The following ARFGEF2 variants were observed in gnomAD, a reference collection of about 807,000 sequenced individuals.
The protein encoded by ARFGEF2 is brefeldin A-inhibited guanine nucleotide-exchange protein 2.
ARFGEF2 carries 74 observed loss-of-function variants against 219.9 expected under a neutral mutation model. The ratio of observed to expected loss-of-function variants is 0.34; its 90% CI spans 0.28 to 0.41. The LOEUF is 0.41. Among genes scored for constraint, ARFGEF2 ranks in the 10% least tolerant of loss-of-function variants. ARFGEF2 has a pLI of 1.00. For synonymous variants in ARFGEF2, 733 were observed against 799.2 expected (o/e 0.92, Z 1.40); for missense variants, 1,743 against 2,218.3 (o/e 0.79, Z 4.30).
At chr20:49,020,014 GTTTCATGTAA>G (rs2123546649) in intron 34 of ARFGEF2, among the ~76,000 whole-genome samples, 1 of 152,300 alleles carries the variant, frequency 6.6e-6, no homozygotes, top group South Asian at 2.1e-4. Flanking sequence ...CATGTGTATT[GTTTCATGTAA>G]TCCTCATAGT....
At chr20:48,979,211 T>C (rs2091280454) in intron 14 of ARFGEF2, among the ~76,000 whole-genome samples, 1 of 152,210 alleles carries the variant, frequency 6.6e-6, no homozygotes, top group Non-Finnish European at 1.5e-5. Context: ...TTGAAGGCCT[T>C]TTTTGCATCT....
At chr20:48,987,275 A>AAT (rs2091331936) in intron 16 of ARFGEF2, among the ~76,000 whole-genome samples, 1 of 152,212 alleles carries the variant, frequency 6.6e-6, no homozygotes, top group Non-Finnish European at 1.5e-5. Flanking sequence ...TCTCATATTA[A>AAT]AAGACCTTTG....
At chr20:49,007,100 A>G (rs2091465821) in intron 26 of ARFGEF2, among the ~76,000 whole-genome samples, 1 of 152,152 alleles carries the variant, frequency 6.6e-6, no homozygotes, top group Non-Finnish European at 1.5e-5. Flanking sequence ...GTAGTTGTCC[A>G]GGTTTGGACC....
chr20:48,971,687 G>C (rs943712750), intron 10 of ARFGEF2, among the ~76,000 whole-genome samples: 2 of 152,120 alleles, frequency 1.3e-5, no homozygotes, highest in East Asian at 1.9e-4. Context: ...GGATCATGAG[G>C]TCAGGAGATC....
At chr20:48,931,060 CAT>C (rs1375618382) in intron 1 of ARFGEF2, among the ~76,000 whole-genome samples, 3 of 152,146 alleles carry the variant, frequency 2.0e-5, no homozygotes, top group South Asian at 4.2e-4. Context: ...GATTTAGAGA[CAT>C]GTGGGTCATT....
chr20:49,010,019 G>T (rs1187287640), intron 26 of ARFGEF2, among the ~76,000 whole-genome samples: 2 of 152,190 alleles, frequency 1.3e-5, no homozygotes, highest in Non-Finnish European at 2.9e-5. Flanking sequence ...TCAACCTTGA[G>T]TTTATTGTTT....
At chr20:48,941,742 G>A in intron 2 of ARFGEF2, 122 bp from the exon 3 acceptor site, 2 of 1,451,902 alleles carry the variant, frequency 1.4e-6, no homozygotes, top group East Asian at 2.3e-5. Flanking sequence ...AACTTTTAAT[G>A]CCTAGCCCCA....
intron 23 of ARFGEF2, among the ~76,000 whole-genome samples, chr20:48,996,708 C>A (rs1046060005): frequency 6.7e-6 from 1 of 148,220 alleles, no homozygotes; most frequent in African/African-American, 2.5e-5. Context: ...CGCGCCATTG[C>A]ACTCCAGCCT....
At chr20:49,001,114 G>A (rs2091422561) in intron 25 of ARFGEF2, among the ~76,000 whole-genome samples, 1 of 139,988 alleles carries the variant, frequency 7.1e-6, no homozygotes, top group Non-Finnish European at 1.5e-5. Flanking sequence ...AGGCTGGACG[G>A]CAGTAGCTTG....
chr20:48,977,073 AC>A (rs1255994624), intron 14 of ARFGEF2, among the ~76,000 whole-genome samples: 5 of 151,802 alleles, frequency 3.3e-5, no homozygotes, highest in Admixed American at 3.3e-4. Flanking sequence ...GGTTTGCTGC[AC>A]CCATTAACTC....
At chr20:49,013,782 T>C in intron 29 of ARFGEF2, 49 bp from the exon 30 acceptor site, 1 of 1,614,066 alleles carries the variant, frequency 6.2e-7, no homozygotes, top group Non-Finnish European at 8.5e-7. Context: ...TTCTCTGTTG[T>C]TCTCTTCTCC....
At chr20:48,988,455 G>A (rs2091338851) in intron 17 of ARFGEF2, 36 bp from the exon 18 acceptor site, 1 of 1,610,566 alleles carries the variant, frequency 6.2e-7, no homozygotes. Flanking sequence ...GCAATTGGAT[G>A]TTTTTTAAAT....
Position 48,951,484 on chromosome 20 carries a change from T to G in ARFGEF2, c.423+15T>G. 1 of 1,614,090 alleles carries G rather than the reference T, an allele frequency of 6.2e-7. No homozygotes were observed. The highest frequency in any genetic ancestry group is 8.5e-7 in the Non-Finnish European group (1 of 1,179,964). ...AAATAATTAAGGTATGCCTATTTGT[T>G]TGCCTGTCTGGTTTTTAAATTAGAA... On this transcript the variant is annotated intron_variant, in intron 4 of 38. Coordinates refer to ENST00000371917, the MANE Select transcript of ARFGEF2 (RefSeq NM_006420.3).
At chr20:48,957,850 T>A (rs1264867794) in intron 6 of ARFGEF2, among the ~76,000 whole-genome samples, 2 of 152,164 alleles carry the variant, frequency 1.3e-5, no homozygotes, top group African/African-American at 4.8e-5. Flanking sequence ...GGCCTGAGAA[T>A]GTTTTGATTT....
intron 34 of ARFGEF2, among the ~76,000 whole-genome samples, chr20:49,021,758 A>C (rs1363932249): frequency 6.6e-6 from 1 of 150,934 alleles, no homozygotes; most frequent in East Asian, 1.9e-4. Flanking sequence ...AGGCAGGAGA[A>C]TTGCTTGAAC....
rs199946527 is a variant in ARFGEF2 at position 49,025,501 on chromosome 20, A to G, written c.4924+20A>G. ...GAGCAGGTAAGGCCACACAGCAGAT[A>G]AGATAGATGGCCACACTGGTCACCT... On this transcript the variant is annotated intron_variant, in intron 36 of 38. Coordinates refer to ENST00000371917, the MANE Select transcript of ARFGEF2 (RefSeq NM_006420.3). 88 of 1,613,504 alleles carry G rather than the reference A, an allele frequency of 5.5e-5. No individual in the cohort carries two copies. In the African/African-American group the frequency reaches 1.2e-3, roughly 21 times the overall value.
At position 48,965,901 on chromosome 20, in the gene ARFGEF2, C is replaced by T. The variant is rs762006750; in HGVS notation, c.937C>T (p.Pro313Ser). ...AGCGGAAAAGCATGGTCTGACAGAACCTGAGAGAGTTCTAGGTGAACTGGA... is the reference window on the plus strand; with the variant it reads ...AGCGGAAAAGCATGGTCTGACAGAATCTGAGAGAGTTCTAGGTGAACTGGA... The part of the protein sequence containing the change: ...EAAEKHGLTE[P>S]ERVLGELECQ... Residue 313 changes from proline to serine, a missense_variant, in exon 8 of 39, where the codon CCT (proline) becomes TCT (serine). By Grantham distance (74) the Pro-to-Ser change is moderately conservative. Coordinates refer to ENST00000371917, the MANE Select transcript of ARFGEF2 (RefSeq NM_006420.3). The T allele has an allele frequency of 1.9e-6, 3 of 1,614,058 alleles. No homozygotes were observed. The highest frequency in any genetic ancestry group is 1.3e-5 in the African/African-American group (1 of 74,932).
chr20:49,021,525 G>A lies in ARFGEF2; in HGVS notation c.4625-1526G>A, dbSNP rs114965239. Among the ~76,000 whole-genome samples, 541 of 151,974 alleles carry A rather than the reference G, an allele frequency of 3.6e-3. 5 individuals are homozygous for A. The highest frequency in any genetic ancestry group is 9.3e-3 in the African/African-American group (385 of 41,458). On this transcript the variant is annotated intron_variant, in intron 34 of 38. Coordinates refer to ENST00000371917, the MANE Select transcript of ARFGEF2 (RefSeq NM_006420.3). ...CTACTCAGTAAGCAGAAACCACACC[G>A]CTAATTTGAACAGGGAAAATTCAAT... is the stretch of plus-strand genomic sequence containing the variant.
intron 21 of ARFGEF2, among the ~76,000 whole-genome samples, chr20:48,993,189 A>G (rs1274960870): frequency 2.0e-5 from 3 of 152,218 alleles, no homozygotes; most frequent in Non-Finnish European, 2.9e-5. Flanking sequence ...GGTATTATCA[A>G]TATGAGGTTC....
Sources: gnomAD v4.1 joint callset for allele counts (sites outside exome capture counted in the v4.1 genomes callset) on GRCh38, gnomAD v4.1.1 for gene constraint, MANE v1.5 for transcripts, NCBI Gene and HGNC (gene_info 2026-07-23, HGNC 2026-07-21) for gene names.